Variants in AGBL4 observed in about 807,000 individuals in gnomAD.
The protein encoded by AGBL4 is AGBL carboxypeptidase 4.
A neutral mutation model predicts 66.4 loss-of-function variants in AGBL4; 58 were observed. The ratio of observed to expected loss-of-function variants is 0.87; its 90% CI spans 0.71 to 1.09. AGBL4 has a LOEUF of 1.09. Among genes scored for constraint, AGBL4 ranks in the 50% least tolerant of loss-of-function variants. AGBL4 has a pLI of 0.00. For missense variants in AGBL4, 579 were observed against 631.0 expected (o/e 0.92, Z 0.88); for synonymous variants, 234 against 222.9 (o/e 1.05, Z -0.44).
At chr1:48,853,893 T>C (rs1269632885) in intron 6 of AGBL4, among the ~76,000 whole-genome samples, 1 of 152,120 alleles carries the variant, frequency 6.6e-6, no homozygotes, top group East Asian at 1.9e-4. Flanking sequence ...TAGACCTCCA[T>C]CCCTGAACCA....
At chr1:49,742,915 G>T (rs1264901060) in intron 2 of AGBL4, among the ~76,000 whole-genome samples, 2 of 152,150 alleles carry the variant, frequency 1.3e-5, no homozygotes, top group Non-Finnish European at 2.9e-5. Flanking sequence ...GATGATTAAA[G>T]ACTTAAATGT....
chr1:48,587,378 C>G (rs549437869), intron 10 of AGBL4, among the ~76,000 whole-genome samples: 1 of 151,866 alleles, frequency 6.6e-6, no homozygotes, highest in Non-Finnish European at 1.5e-5. Flanking sequence ...TGCCACTCAA[C>G]GAATATTTGT....
chr1:49,763,882 CAGCAGTCCTGAGGAGTGGCCAGACTAT>C (rs1475650710), intron 2 of AGBL4, among the ~76,000 whole-genome samples: 1 of 152,144 alleles, frequency 6.6e-6, no homozygotes. Flanking sequence ...GAGGCCACAG[CAGCAGTCCTGAGGAGTGGCCAGACTAT>C]ACCACATGAG....
At chr1:48,635,360 G>T (rs192886655) in intron 8 of AGBL4, among the ~76,000 whole-genome samples, 6 of 152,344 alleles carry the variant, frequency 3.9e-5, no homozygotes, top group African/African-American at 1.4e-4. Flanking sequence ...GGGACTGGGA[G>T]AACCCCATTT....
At chr1:49,567,192 C>T (rs1169729221) in intron 3 of AGBL4, among the ~76,000 whole-genome samples, 3 of 152,208 alleles carry the variant, frequency 2.0e-5, no homozygotes, top group Non-Finnish European at 4.4e-5. Flanking sequence ...TTCCAGGTGC[C>T]GTCTGTCACC....
chr1:50,019,306 T>TCTCTCTCTCTCACACACACA (rs1167835143), intron 1 of AGBL4, among the ~76,000 whole-genome samples: 25 of 48,430 alleles, frequency 5.2e-4, no homozygotes, highest in South Asian at 1.6e-3. Flanking sequence ...TCTCTCTCTC[T>TCTCTCTCTCTCACACACACA]CACACACACA....
At chr1:49,444,734 T>G (rs1361900662) in intron 3 of AGBL4, among the ~76,000 whole-genome samples, 1 of 152,046 alleles carries the variant, frequency 6.6e-6, no homozygotes, top group Non-Finnish European at 1.5e-5. Context: ...ATCCAGCAAT[T>G]CTATACCTTT....
At chr1:49,020,107 T>C (rs1284769516) in intron 5 of AGBL4, among the ~76,000 whole-genome samples, 1 of 152,188 alleles carries the variant, frequency 6.6e-6, no homozygotes, top group Non-Finnish European at 1.5e-5. Context: ...CTTAATTTGG[T>C]AATGAATTAG....
chr1:49,459,075 A>C (rs1646453803), intron 3 of AGBL4, among the ~76,000 whole-genome samples: 1 of 149,586 alleles, frequency 6.7e-6, no homozygotes, highest in African/African-American at 2.5e-5. Context: ...ATTTCTTGTT[A>C]ATTGCTTCTT....
chr1:49,383,930 G>A (rs1159495864), intron 3 of AGBL4, among the ~76,000 whole-genome samples: 3 of 151,982 alleles, frequency 2.0e-5, no homozygotes, highest in South Asian at 2.1e-4. Context: ...CTGAATAGCT[G>A]GGACTACAGC....
At chr1:49,546,293 A>C (rs1480383674) in intron 3 of AGBL4, among the ~76,000 whole-genome samples, 1 of 151,072 alleles carries the variant, frequency 6.6e-6, no homozygotes, top group Non-Finnish European at 1.5e-5. Context: ...CATCATATAT[A>C]TGTATATGTA....
chr1:49,433,492 T>C, intron 3 of AGBL4, among the ~76,000 whole-genome samples: 1 of 152,192 alleles, frequency 6.6e-6, no homozygotes. Context: ...TGATGATTGT[T>C]GAGTGAGAGA....
intron 11 of AGBL4, among the ~76,000 whole-genome samples, chr1:48,546,316 CTTTCT>C (rs1644158760): frequency 6.6e-6 from 1 of 152,166 alleles, no homozygotes; most frequent in Non-Finnish European, 1.5e-5. Flanking sequence ...ATGTTGTTTC[CTTTCT>C]TGAGTGTAAT....
chr1:48,811,724 G>A (rs1470751367), intron 6 of AGBL4, among the ~76,000 whole-genome samples: 2 of 151,858 alleles, frequency 1.3e-5, no homozygotes, highest in Admixed American at 6.6e-5. Flanking sequence ...TTTCTGTGAG[G>A]TCCAACCCTC....
chr1:49,502,910 A>G (rs77500457), intron 3 of AGBL4, among the ~76,000 whole-genome samples: 1 of 152,184 alleles, frequency 6.6e-6, no homozygotes, highest in African/African-American at 2.4e-5. Flanking sequence ...AATAAAAACC[A>G]TTTTCTGGAG....
intron 3 of AGBL4, among the ~76,000 whole-genome samples, chr1:49,617,161 T>C (rs772055127): frequency 2.0e-5 from 3 of 152,286 alleles, no homozygotes. Flanking sequence ...AATATTTCCC[T>C]CACTCACTCT....
At chr1:48,738,690 CT>C (rs1355336564) in intron 6 of AGBL4, among the ~76,000 whole-genome samples, 2 of 152,168 alleles carry the variant, frequency 1.3e-5, no homozygotes, top group Non-Finnish European at 2.9e-5. Flanking sequence ...AAAATCTCTG[CT>C]TTTTTCCCCC....
chr1:49,485,748 A>G (rs1056320227), intron 3 of AGBL4, among the ~76,000 whole-genome samples: 2 of 151,878 alleles, frequency 1.3e-5, no homozygotes, highest in African/African-American at 4.8e-5. Flanking sequence ...GTTCTCACCT[A>G]TTTGTGAGAA....
chr1:49,134,567 C>A (rs1277554378), intron 4 of AGBL4, among the ~76,000 whole-genome samples: 1 of 143,662 alleles, frequency 7.0e-6, no homozygotes, highest in East Asian at 2.1e-4. Context: ...TGATATTTCT[C>A]TTACCTGTTT....
Sources: gnomAD v4.1 joint callset for allele counts (sites outside exome capture counted in the v4.1 genomes callset) on GRCh38, gnomAD v4.1.1 for gene constraint, MANE v1.5 for transcripts, NCBI Gene and HGNC (gene_info 2026-07-23, HGNC 2026-07-21) for gene names.